The following DHRSX variants were observed in gnomAD, a reference collection of about 807,000 sequenced individuals.
DHRSX encodes dehydrogenase/reductase X-linked, also known as polyprenol dehydrogenase.
In DHRSX, 31 loss-of-function variants were observed where a neutral mutation model predicts 34.0. That is an observed-to-expected ratio of 0.91 (90% CI 0.69 to 1.23). DHRSX has a LOEUF of 1.23. Ranked by LOEUF, DHRSX falls within the 50% of genes most tolerant of loss-of-function variation. The pLI, the probability that DHRSX is intolerant of heterozygous loss-of-function variation, is 0.00. For missense variants in DHRSX, 414 were observed against 428.1 expected (o/e 0.97, Z 0.29); for synonymous variants, 201 against 183.8 (o/e 1.09, Z -0.76).
chrX:2,498,935 T>A (rs2045347196), intron 1 of DHRSX, among the ~76,000 whole-genome samples: 3 of 152,172 alleles, frequency 2.0e-5, no homozygotes, highest in African/African-American at 7.2e-5. Flanking sequence ...ACTCTCCTTC[T>A]TCTATGCATT....
chrX:2,454,527 C>A (rs868110723), intron 1 of DHRSX, among the ~76,000 whole-genome samples: 83 of 137,736 alleles, frequency 6.0e-4, no homozygotes, highest in African/African-American at 8.7e-4. Flanking sequence ...AACTCCGTCT[C>A]AAAAAAAAAA....
At chrX:2,297,762 G>GTT (rs757257087) in intron 3 of DHRSX, among the ~76,000 whole-genome samples, 1,792 of 144,706 alleles carry the variant, frequency 0.012, 22 homozygotes, top group African/African-American at 0.019. Flanking sequence ...GTCTTTTTGA[G>GTT]TTTTTTTTTT....
intron 6 of DHRSX, among the ~76,000 whole-genome samples, chrX:2,232,345 T>A (rs867769894): frequency 1.6e-5 from 1 of 63,982 alleles, no homozygotes; most frequent in Non-Finnish European, 3.2e-5. Context: ...CAACAACAAC[T>A]AAAGCAACAG....
At chrX:2,304,204 A>ATGGATAGATGGATGG (rs2042067645) in intron 3 of DHRSX, among the ~76,000 whole-genome samples, 2 of 62,048 alleles carry the variant, frequency 3.2e-5, no homozygotes, top group African/African-American at 1.5e-4. Flanking sequence ...TGGATGGATA[A>ATGGATAGATGGATGG]ATGGATGGAT....
At chrX:2,229,106 T>C (rs772395884) in intron 6 of DHRSX, among the ~76,000 whole-genome samples, 51 of 152,264 alleles carry the variant, frequency 3.3e-4, no homozygotes, top group African/African-American at 1.2e-3. Flanking sequence ...CAGACGCTGT[T>C]AGTAGATCCT....
At chrX:2,460,842 C>G (rs747487890) in intron 1 of DHRSX, among the ~76,000 whole-genome samples, 2 of 152,182 alleles carry the variant, frequency 1.3e-5, no homozygotes, top group African/African-American at 2.4e-5. Flanking sequence ...CTTAGCCTCC[C>G]AAAGTGCAGG....
chrX:2,328,649 A>C (rs769726628), intron 3 of DHRSX, among the ~76,000 whole-genome samples: 2 of 152,348 alleles, frequency 1.3e-5, no homozygotes, highest in Non-Finnish European at 2.9e-5. Flanking sequence ...GAGAGGCCTC[A>C]GGAAGAACCA....
chrX:2,470,007 A>G (rs1163323684), intron 1 of DHRSX, among the ~76,000 whole-genome samples: 2 of 151,986 alleles, frequency 1.3e-5, no homozygotes, highest in African/African-American at 4.8e-5. Context: ...CCATGTGTCA[A>G]TCAACAGATG....
chrX:2,293,503 G>A (rs1460578125), intron 3 of DHRSX, among the ~76,000 whole-genome samples: 1 of 152,144 alleles, frequency 6.6e-6, no homozygotes, highest in Non-Finnish European at 1.5e-5. Flanking sequence ...AATTTCTGGA[G>A]AGAGGTGGAA....
intron 3 of DHRSX, among the ~76,000 whole-genome samples, chrX:2,307,254 T>G (rs2042109614): frequency 6.6e-6 from 1 of 152,238 alleles, no homozygotes; most frequent in East Asian, 1.9e-4. Flanking sequence ...ACATAGGAGC[T>G]AAACATTGAA....
chrX:2,417,549 T>G (rs184941711), intron 2 of DHRSX, among the ~76,000 whole-genome samples: 17,784 of 151,990 alleles, frequency 0.12, 1,219 homozygotes, highest in Middle Eastern at 0.18. Flanking sequence ...GGCCTCATCA[T>G]GACCTTCCTA....
At chrX:2,233,059 AAAAGAAAG>A (rs71973986) in intron 6 of DHRSX, among the ~76,000 whole-genome samples, 1 of 151,392 alleles carries the variant, frequency 6.6e-6, no homozygotes, top group South Asian at 2.1e-4. Context: ...GTTGTTAAGA[AAAAGAAAG>A]AAAGAAAGAA....
chrX:2,431,344 C>A (rs55886733), intron 1 of DHRSX, among the ~76,000 whole-genome samples: 21 of 145,496 alleles, frequency 1.4e-4, no homozygotes, highest in Middle Eastern at 3.6e-3. Flanking sequence ...AAAAAAAAGA[C>A]AAAAAAAACC....
At chrX:2,283,459 T>C (rs1433389591) in intron 4 of DHRSX, among the ~76,000 whole-genome samples, 1 of 152,098 alleles carries the variant, frequency 6.6e-6, no homozygotes, top group Non-Finnish European at 1.5e-5. Context: ...GACGAATGCA[T>C]GCGCCGCGAT....
At chrX:2,343,969 C>T (rs2042671097) in intron 3 of DHRSX, among the ~76,000 whole-genome samples, 3 of 152,154 alleles carry the variant, frequency 2.0e-5, no homozygotes, top group Admixed American at 2.0e-4. Flanking sequence ...CAAGCCATTT[C>T]AGTACTAAAT....
At chrX:2,223,961 A>G (rs928133442) in intron 6 of DHRSX, among the ~76,000 whole-genome samples, 1 of 152,156 alleles carries the variant, frequency 6.6e-6, no homozygotes, top group African/African-American at 2.4e-5. Context: ...GAGAGGCCAG[A>G]TGGGGGCCAC....
chrX:2,225,412 TCA>T, intron 6 of DHRSX, among the ~76,000 whole-genome samples: 1 of 152,254 alleles, frequency 6.6e-6, no homozygotes, highest in East Asian at 1.9e-4. Flanking sequence ...ACGTGTACAT[TCA>T]CATACTCATT....
At chrX:2,315,063 CAGG>C (rs1178274049) in intron 3 of DHRSX, among the ~76,000 whole-genome samples, 2 of 151,928 alleles carry the variant, frequency 1.3e-5, no homozygotes, top group Non-Finnish European at 2.9e-5. Context: ...CAGGCTGAGG[CAGG>C]AGAATTGCCT....
At chrX:2,408,364 G>T (rs893073879) in intron 3 of DHRSX, among the ~76,000 whole-genome samples, 6 of 152,080 alleles carry the variant, frequency 3.9e-5, no homozygotes, top group African/African-American at 1.4e-4. Flanking sequence ...GCGAGCCACT[G>T]CGCCCGGCCT....
Sources: gnomAD v4.1 joint callset for allele counts (sites outside exome capture counted in the v4.1 genomes callset) on GRCh38, gnomAD v4.1.1 for gene constraint, MANE v1.5 for transcripts, NCBI Gene and HGNC (gene_info 2026-07-23, HGNC 2026-07-21) for gene names.